The following ARHGAP24 variants were observed in gnomAD, a reference collection of about 807,000 sequenced individuals.
ARHGAP24 encodes Rho GTPase activating protein 24.
ARHGAP24 carries 50 observed loss-of-function variants against 76.4 expected under a neutral mutation model. The ratio of observed to expected loss-of-function variants is 0.65; its 90% CI spans 0.52 to 0.83. The LOEUF (loss-of-function observed/expected upper bound fraction) is 0.83, where lower values mean the gene tolerates loss of function less well. ARHGAP24 is among the 40% of genes least tolerant of loss of function. ARHGAP24 has a pLI of 0.00. For synonymous variants in ARHGAP24, 345 were observed against 323.3 expected, an observed-to-expected ratio of 1.07 and a Z score of -0.72; for missense variants, 930 against 914.2, an observed-to-expected ratio of 1.02 and a Z score of -0.22.
intron 1 of ARHGAP24, among the ~76,000 whole-genome samples, chr4:85,534,461 T>A (rs945966051): frequency 3.9e-5 from 6 of 152,080 alleles, no homozygotes; most frequent in African/African-American, 1.4e-4. Flanking sequence ...GCAGAAGGAA[T>A]GTGGTGGCAA....
chr4:85,672,962 AG>A (rs1397488747), intron 2 of ARHGAP24, among the ~76,000 whole-genome samples: 2 of 152,104 alleles, frequency 1.3e-5, no homozygotes, highest in East Asian at 3.9e-4. Flanking sequence ...TCTTTCTCTG[AG>A]GGTGCTGGAT....
At chr4:85,896,143 G>A (rs974187679) in intron 3 of ARHGAP24, among the ~76,000 whole-genome samples, 2 of 152,146 alleles carry the variant, frequency 1.3e-5, no homozygotes, top group Non-Finnish European at 2.9e-5. Context: ...AATTTGGTGG[G>A]ATATTTAAAC....
rs1200389590 is a variant in ARHGAP24, at chr4:85,994,958, A to G, written c.1304A>G (p.Asn435Ser). 6.2e-7 allele frequency: 1 copy of G among 1,614,014 alleles called. No homozygotes were observed. Among genetic ancestry groups the G allele is most frequent in the Admixed American group, 1.7e-5 (1 of 59,982 alleles). ...AFNKGSGIVT[N>S]GSFSSSNAEG... ...AATAAGGGTAGTGGGATAGTTACCA[A>G]TGGGTCCTTCAGCAGCAGTAATGCA... Residue 435 changes from asparagine (N) to serine (S), a missense_variant, in exon 9 of 10, where the codon AAT (asparagine) becomes AGT (serine). By Grantham distance (46) the Asn-to-Ser change is conservative. Transcript: ENST00000395184.
intron 1 of ARHGAP24, among the ~76,000 whole-genome samples, chr4:85,522,719 G>T (rs182744193): frequency 6.6e-6 from 1 of 152,162 alleles, no homozygotes; most frequent in Non-Finnish European, 1.5e-5. Context: ...ATAACTGACA[G>T]AGCCAAGATT....
chr4:85,576,156 G>A (rs1272901235), intron 2 of ARHGAP24, among the ~76,000 whole-genome samples: 11 of 152,332 alleles, frequency 7.2e-5, no homozygotes, highest in Non-Finnish European at 1.3e-4. Flanking sequence ...TAGGCTGGGC[G>A]CAGTGGCTCA....
chr4:85,876,162 A>G (rs1185956893), intron 3 of ARHGAP24, among the ~76,000 whole-genome samples: 1 of 152,170 alleles, frequency 6.6e-6, no homozygotes, highest in Admixed American at 6.5e-5. Flanking sequence ...CATGCTGTAC[A>G]ATGTATACAC....
chr4:85,991,308 C>G (rs1740305381), intron 8 of ARHGAP24: 1 of 152,080 alleles, frequency 6.6e-6, no homozygotes, highest in Non-Finnish European at 1.5e-5. Context: ...TAGGTTCTTA[C>G]TAACTTAAAT....
intron 3 of ARHGAP24, among the ~76,000 whole-genome samples, chr4:85,809,570 T>G (rs1013206841): frequency 6.6e-6 from 1 of 152,236 alleles, no homozygotes; most frequent in African/African-American, 2.4e-5. Context: ...ACTCTTTTTT[T>G]CAGATATAGA....
intron 3 of ARHGAP24, among the ~76,000 whole-genome samples, chr4:85,812,579 C>T (rs559944088): frequency 6.6e-6 from 1 of 152,160 alleles, no homozygotes; most frequent in Non-Finnish European, 1.5e-5. Flanking sequence ...CAATAAAACC[C>T]AGATTCTGCA....
chr4:85,888,372 C>T (rs1034227304), intron 3 of ARHGAP24, among the ~76,000 whole-genome samples: 1 of 144,660 alleles, frequency 6.9e-6, no homozygotes, highest in Non-Finnish European at 1.5e-5. Context: ...TGCACTCCAG[C>T]CTGGGCAACA....
At chr4:85,749,826 C>G (rs553060947) in intron 3 of ARHGAP24, among the ~76,000 whole-genome samples, 1 of 152,274 alleles carries the variant, frequency 6.6e-6, no homozygotes, top group East Asian at 1.9e-4. Flanking sequence ...CTCAGCCTCC[C>G]AAAGTGCTGG....
intron 1 of ARHGAP24, among the ~76,000 whole-genome samples, chr4:85,556,834 G>A (rs1435276004): frequency 6.6e-6 from 1 of 152,174 alleles, no homozygotes; most frequent in Non-Finnish European, 1.5e-5. Flanking sequence ...ATGGTGCCCT[G>A]CCTCCCTCTA....
chr4:85,646,072 GTGTT>G (rs1019515849), intron 2 of ARHGAP24, among the ~76,000 whole-genome samples: 1 of 152,008 alleles, frequency 6.6e-6, no homozygotes, highest in Non-Finnish European at 1.5e-5. Context: ...ACAAGAGTAA[GTGTT>G]TGTATATGTT....
At position 85,508,761 on chromosome 4, in the gene ARHGAP24, G is replaced by T. The variant is rs538247804; in HGVS notation, c.-21+33202G>T. Among the ~76,000 whole-genome samples the T allele has an allele frequency of 3.3e-5, 5 of 152,202 alleles. No individual in the cohort carries two copies. In the South Asian group the frequency reaches 1.0e-3, roughly 32 times the overall value. Reference sequence around the variant, plus strand: ...TCTCCCCTCTCCACGGATCTACATTGGTGTCCTCTTGCTGTGACTTGACAA... The same window carrying T: ...TCTCCCCTCTCCACGGATCTACATTTGTGTCCTCTTGCTGTGACTTGACAA... On this transcript the variant is annotated intron_variant, in intron 1 of 9. Coordinates refer to ENST00000395184, the MANE Select transcript of ARHGAP24 (RefSeq NM_001025616.3).
chr4:85,813,843 T>A (rs1729120474), intron 3 of ARHGAP24, among the ~76,000 whole-genome samples: 1 of 146,362 alleles, frequency 6.8e-6, no homozygotes, highest in Non-Finnish European at 1.5e-5. Flanking sequence ...TATATATATA[T>A]TTGTAGTTAG....
intron 5 of ARHGAP24, among the ~76,000 whole-genome samples, chr4:85,967,412 C>G (rs149710387): frequency 9.1e-4 from 138 of 152,054 alleles, no homozygotes; most frequent in African/African-American, 3.1e-3. Context: ...ATGATTGATC[C>G]CAGAATGATC....
chr4:85,498,694 T>C (rs560121308), intron 1 of ARHGAP24, among the ~76,000 whole-genome samples: 1 of 152,212 alleles, frequency 6.6e-6, no homozygotes, highest in African/African-American at 2.4e-5. Flanking sequence ...TCGTGGGGAA[T>C]TGATCCCAGG....
At position 85,721,925 on chromosome 4, in the gene ARHGAP24, C is replaced by A; in HGVS notation, c.221C>A (p.Pro74His). The change falls in exon 3 of 10, where the codon CCC (proline) becomes CAC (histidine). Residue 74 changes from proline to histidine, a missense_variant. By Grantham distance (77) the Pro-to-His change is moderately conservative (BLOSUM62 -2). Coordinates refer to ENST00000395184, the MANE Select transcript of ARHGAP24 (RefSeq NM_001025616.3). The stretch of plus-strand genomic sequence containing the variant: ...CCTGGAAATAAAGTTTCTGAGCATC[C>A]CTGCAATGAAGAGAACCCAGGGAAG... The part of the protein sequence containing the change: ...FLPGNKVSEH[P>H]CNEENPGKFL... 1 of 1,613,392 alleles carries A rather than the reference C, an allele frequency of 6.2e-7. No individual in the cohort carries two copies. Among genetic ancestry groups the A allele is most frequent in the Non-Finnish European group, 8.5e-7 (1 of 1,179,632 alleles).
At chr4:85,835,401 A>C (rs993218623) in intron 3 of ARHGAP24, among the ~76,000 whole-genome samples, 3 of 151,788 alleles carry the variant, frequency 2.0e-5, no homozygotes, top group Non-Finnish European at 4.4e-5. Flanking sequence ...CTCTACTAAA[A>C]ATACAAAAAT....
Sources: gnomAD v4.1 joint callset for allele counts (sites outside exome capture counted in the v4.1 genomes callset) on GRCh38, gnomAD v4.1.1 for gene constraint, MANE v1.5 for transcripts, NCBI Gene and HGNC (gene_info 2026-07-23, HGNC 2026-07-21) for gene names.